CTNND2: variants seen among roughly 807,000 people sequenced by gnomAD.
The protein encoded by CTNND2 is catenin delta 2.
CTNND2 carries 22 observed loss-of-function variants against 144.4 expected under a neutral mutation model. That is an observed-to-expected ratio of 0.15 (90% CI 0.11 to 0.22). The LOEUF is 0.22. CTNND2 is among the 10% of genes least tolerant of loss of function. CTNND2 has a pLI of 1.00. For synonymous variants in CTNND2, 751 were observed against 695.6 expected (o/e 1.08, Z -1.25); for missense variants, 1,353 against 1,618.8 (o/e 0.84, Z 2.82).
intron 16 of CTNND2, among the ~76,000 whole-genome samples, chr5:11,032,958 CAT>C (rs539310791): frequency 8.2e-4 from 125 of 152,336 alleles, no homozygotes; most frequent in African/African-American, 1.2e-3. Flanking sequence ...CAAATCCACA[CAT>C]GTGATGACAC....
chr5:11,866,581 G>A (rs1377019571), intron 1 of CTNND2, among the ~76,000 whole-genome samples: 1 of 152,170 alleles, frequency 6.6e-6, no homozygotes, highest in African/African-American at 2.4e-5. Context: ...TCAGAGACTG[G>A]GAGAACTGAA....
chr5:11,433,140 G>A (rs1763445395), intron 3 of CTNND2, among the ~76,000 whole-genome samples: 2 of 151,716 alleles, frequency 1.3e-5, no homozygotes, highest in African/African-American at 4.9e-5. Context: ...CAGCTACTTG[G>A]GAGGCTGAGG....
intron 10 of CTNND2, among the ~76,000 whole-genome samples, chr5:11,213,889 T>C (rs1034417308): frequency 1.3e-5 from 2 of 152,240 alleles, no homozygotes; most frequent in Non-Finnish European, 2.9e-5. Flanking sequence ...AGTAAATGTA[T>C]ACATTTAAAA....
At chr5:11,304,318 CCACACACACA>C (rs111918321) in intron 9 of CTNND2, among the ~76,000 whole-genome samples, 1 of 148,300 alleles carries the variant, frequency 6.7e-6, no homozygotes. Flanking sequence ...CACGGACACA[CCACACACACA>C]CACACACACA....
chr5:11,428,219 T>C (rs1317252485), intron 3 of CTNND2, among the ~76,000 whole-genome samples: 1 of 152,178 alleles, frequency 6.6e-6, no homozygotes, highest in African/African-American at 2.4e-5. Flanking sequence ...AGTCTGACTA[T>C]CAACAATCCC....
chr5:11,224,217 C>T (rs943683226), intron 10 of CTNND2, among the ~76,000 whole-genome samples: 3 of 152,198 alleles, frequency 2.0e-5, no homozygotes, highest in Non-Finnish European at 4.4e-5. Flanking sequence ...GACTCATGGT[C>T]CTTTCCACTC....
intron 2 of CTNND2, among the ~76,000 whole-genome samples, chr5:11,586,869 T>C (rs543821420): frequency 7.9e-5 from 12 of 152,304 alleles, no homozygotes; most frequent in Non-Finnish European, 1.5e-4. Context: ...TCTCTGCTTT[T>C]GTTTAAAATG....
At chr5:11,304,030 G>C (rs577773064) in intron 9 of CTNND2, among the ~76,000 whole-genome samples, 23 of 152,154 alleles carry the variant, frequency 1.5e-4, no homozygotes, top group South Asian at 8.3e-4. Context: ...GTAAGAGGTG[G>C]CTTTCACCTT....
At chr5:11,661,768 G>A (rs1418383822) in intron 2 of CTNND2, among the ~76,000 whole-genome samples, 1 of 152,080 alleles carries the variant, frequency 6.6e-6, no homozygotes, top group East Asian at 1.9e-4. Context: ...TTTCCGATAA[G>A]CTGAATAAAT....
At chr5:11,285,827 G>C (rs1215512713) in intron 9 of CTNND2, among the ~76,000 whole-genome samples, 1 of 67,754 alleles carries the variant, frequency 1.5e-5, no homozygotes, top group East Asian at 2.6e-4. Context: ...TAAAAGCCAG[G>C]GGGTTTATTT....
intron 10 of CTNND2, among the ~76,000 whole-genome samples, chr5:11,228,193 T>C (rs187101464): frequency 2.6e-5 from 4 of 151,456 alleles, no homozygotes; most frequent in East Asian, 2.0e-4. Flanking sequence ...AATACAAAAA[T>C]TTTTAGCCAG....
chr5:10,992,629 T>C lies in CTNND2; in HGVS notation c.3133A>G (p.Arg1045Gly), dbSNP rs1738823807. ...HFVASSSTIERDRQRPYSSSR... is the reference protein window; with the variant it reads ...HFVASSSTIEGDRQRPYSSSR... ...GAGGAGTAGGGCCTTTGCCGGTCCCTCTCGATGGTTGAAGACGAGGCTACA... is the reference window on the plus strand; with the variant it reads ...GAGGAGTAGGGCCTTTGCCGGTCCCCCTCGATGGTTGAAGACGAGGCTACA... Residue 1045 changes from arginine to glycine, a missense_variant, in exon 19 of 22, where the codon AGG (arginine) becomes GGG (glycine). Transcript: ENST00000304623. 6.2e-7 allele frequency: 1 copy of C among 1,613,788 alleles called. No homozygotes were observed. Among genetic ancestry groups the C allele is most frequent in the South Asian group, 1.1e-5 (1 of 91,036 alleles).
chr5:11,872,858 T>A (rs1227426576), intron 1 of CTNND2, among the ~76,000 whole-genome samples: 2 of 152,122 alleles, frequency 1.3e-5, no homozygotes, highest in Non-Finnish European at 2.9e-5. Context: ...TTAAGACAGA[T>A]TAAAGACTTC....
At chr5:11,021,151 A>C (rs1742207941) in intron 17 of CTNND2, among the ~76,000 whole-genome samples, 1 of 152,220 alleles carries the variant, frequency 6.6e-6, no homozygotes, top group African/African-American at 2.4e-5. Context: ...CATAGGACTC[A>C]ATAAAACTTT....
intron 3 of CTNND2, among the ~76,000 whole-genome samples, chr5:11,506,605 T>C (rs866286131): frequency 6.6e-6 from 1 of 152,242 alleles, no homozygotes; most frequent in East Asian, 1.9e-4. Flanking sequence ...TGTTTATTGA[T>C]TCCACTATAG....
intron 2 of CTNND2, among the ~76,000 whole-genome samples, chr5:11,709,522 C>G (rs1785904068): frequency 6.6e-6 from 1 of 152,148 alleles, no homozygotes; most frequent in East Asian, 1.9e-4. Flanking sequence ...AGATGATGAA[C>G]TAAACTGTAT....
chr5:11,249,082 G>A (rs1419448626), intron 9 of CTNND2, among the ~76,000 whole-genome samples: 1 of 152,224 alleles, frequency 6.6e-6, no homozygotes, highest in Non-Finnish European at 1.5e-5. Context: ...CCTGCCCTCA[G>A]ATTGTAGTGG....
intron 5 of CTNND2, among the ~76,000 whole-genome samples, chr5:11,404,471 A>G (rs1760905147): frequency 6.6e-6 from 1 of 152,190 alleles, no homozygotes; most frequent in Non-Finnish European, 1.5e-5. Flanking sequence ...TTAACAAAAT[A>G]AATGACTGGA....
chr5:10,989,892 A>G (rs1307316175), intron 19 of CTNND2, among the ~76,000 whole-genome samples: 1 of 152,216 alleles, frequency 6.6e-6, no homozygotes, highest in East Asian at 1.9e-4. Flanking sequence ...ACCTATCAAA[A>G]TAAAATCACG....
Sources: allele counts gnomAD v4.1 joint callset (sites outside exome capture counted in the v4.1 genomes callset), GRCh38; gene constraint gnomAD v4.1.1; transcripts MANE v1.5; gene names NCBI Gene and HGNC (gene_info 2026-07-23, HGNC 2026-07-21).